The following PIK3C2G variants were observed in gnomAD, a reference collection of about 807,000 sequenced individuals.
PIK3C2G encodes the protein phosphatidylinositol 3-kinase C2 domain-containing subunit gamma.
A neutral mutation model predicts 181.1 loss-of-function variants in PIK3C2G; 168 were observed. The ratio of observed to expected loss-of-function variants is 0.93; its 90% CI spans 0.82 to 1.05. The LOEUF is 1.05. Ranked by LOEUF, PIK3C2G falls within the 50% of genes least tolerant of loss-of-function variation. The pLI is 0.00. For synonymous variants in PIK3C2G, 573 were observed against 592.2 expected (o/e 0.97, Z 0.47); for missense variants, 1,869 against 1,732.8 (o/e 1.08, Z -1.40).
chr12:18,257,651 A>G (rs1299685074), upstream of PIK3C2G, among the ~76,000 whole-genome samples: 1 of 151,852 alleles, frequency 6.6e-6, no homozygotes, highest in African/African-American at 2.4e-5. Flanking sequence ...AGAAAAGAAA[A>G]GAAAGAAGGA....
intron 21 of PIK3C2G, among the ~76,000 whole-genome samples, chr12:18,496,807 T>C (rs1007344822): frequency 1.3e-5 from 2 of 152,136 alleles, no homozygotes; most frequent in Non-Finnish European, 2.9e-5. Flanking sequence ...TCACTGTCTA[T>C]TTTGGAGGAT....
At chr12:18,410,005 C>A (rs2135619408) in intron 16 of PIK3C2G, among the ~76,000 whole-genome samples, 1 of 152,194 alleles carries the variant, frequency 6.6e-6, no homozygotes, top group Non-Finnish European at 1.5e-5. Flanking sequence ...AGGGGGAAAT[C>A]TGCCCCCATG....
intron 11 of PIK3C2G, among the ~76,000 whole-genome samples, chr12:18,354,861 G>A (rs1355049014): frequency 6.6e-6 from 1 of 152,154 alleles, no homozygotes; most frequent in African/African-American, 2.4e-5. Context: ...TGTGAGGGAG[G>A]GGAAGCAGGC....
intron 16 of PIK3C2G, among the ~76,000 whole-genome samples, chr12:18,420,633 C>G (rs1290577484): frequency 2.6e-5 from 4 of 152,070 alleles, no homozygotes; most frequent in South Asian, 4.1e-4. Flanking sequence ...CAAAGATTTT[C>G]ATACTACTTT....
At chr12:18,426,771 A>T (rs1945838340) in intron 18 of PIK3C2G, among the ~76,000 whole-genome samples, 1 of 152,208 alleles carries the variant, frequency 6.6e-6, no homozygotes, top group Admixed American at 6.5e-5. Flanking sequence ...ACTCAAGAAG[A>T]TGTAGCAAAG....
At chr12:18,637,400 A>ATTTTTT (rs35836229) in intron 31 of PIK3C2G, among the ~76,000 whole-genome samples, 2 of 146,798 alleles carry the variant, frequency 1.4e-5, no homozygotes, top group African/African-American at 5.0e-5. Flanking sequence ...TGACCTAGAT[A>ATTTTTT]TTTTTTTTTT....
At chr12:18,551,218 A>G (rs1007843137) in intron 26 of PIK3C2G, among the ~76,000 whole-genome samples, 5 of 152,190 alleles carry the variant, frequency 3.3e-5, no homozygotes, top group Non-Finnish European at 5.9e-5. Flanking sequence ...GAATCAAGAA[A>G]GTATCATGAC....
chr12:18,330,849 G>T (rs368012604), intron 8 of PIK3C2G, among the ~76,000 whole-genome samples: 1 of 152,082 alleles, frequency 6.6e-6, no homozygotes, highest in African/African-American at 2.4e-5. Context: ...TTGTTGGTTC[G>T]TTCGCTTGCT....
chr12:18,341,811 G>T (rs190794508), intron 9 of PIK3C2G, among the ~76,000 whole-genome samples: 288 of 152,236 alleles, frequency 1.9e-3, no homozygotes, highest in African/African-American at 6.7e-3. Context: ...AACAAACTGT[G>T]AAATTTAAGA....
chr12:18,276,272 A>G (rs2137084877), intron 1 of PIK3C2G, among the ~76,000 whole-genome samples: 1 of 152,300 alleles, frequency 6.6e-6, no homozygotes, highest in Non-Finnish European at 1.5e-5. Flanking sequence ...TCCCTGAAGC[A>G]AGCTTTATTC....
At chr12:18,411,751 C>A (rs570792321) in intron 16 of PIK3C2G, among the ~76,000 whole-genome samples, 1 of 152,224 alleles carries the variant, frequency 6.6e-6, no homozygotes, top group Non-Finnish European at 1.5e-5. Flanking sequence ...ATTCTGAAGT[C>A]TGACATTTCC....
chr12:18,407,672 C>T (rs1437159660), intron 16 of PIK3C2G, among the ~76,000 whole-genome samples: 1 of 152,062 alleles, frequency 6.6e-6, no homozygotes, highest in East Asian at 1.9e-4. Flanking sequence ...TGATAACATA[C>T]AACAAAAGAA....
intron 24 of PIK3C2G, among the ~76,000 whole-genome samples, chr12:18,509,096 G>C (rs1942042502): frequency 6.6e-6 from 1 of 151,896 alleles, no homozygotes; most frequent in Non-Finnish European, 1.5e-5. Flanking sequence ...CTGTCACCGA[G>C]GCTGGAGTGC....
chr12:18,691,703 G>A, the PIK3C2G span, among the ~76,000 whole-genome samples: 1 of 152,140 alleles, frequency 6.6e-6, no homozygotes, highest in Non-Finnish European at 1.5e-5. Context: ...CATTATAATA[G>A]CATTGTAAAG....
intron 16 of PIK3C2G, among the ~76,000 whole-genome samples, chr12:18,401,933 A>G (rs1944269382): frequency 6.6e-6 from 1 of 152,174 alleles, no homozygotes. Flanking sequence ...GTGGGAATGC[A>G]AAATTGTGTA....
At chr12:18,657,983 C>G in the PIK3C2G span, among the ~76,000 whole-genome samples, 1 of 151,888 alleles carries the variant, frequency 6.6e-6, no homozygotes, top group Non-Finnish European at 1.5e-5. Context: ...AAATAGAAAA[C>G]TTCAATAAAG....
intron 31 of PIK3C2G, among the ~76,000 whole-genome samples, chr12:18,633,018 C>A (rs916932778): frequency 3.3e-5 from 5 of 152,166 alleles, no homozygotes; most frequent in Non-Finnish European, 7.3e-5. Flanking sequence ...TCATATATAT[C>A]TCCTTAACAG....
chr12:18,478,463 A>G (rs1188548518), intron 18 of PIK3C2G, among the ~76,000 whole-genome samples: 2 of 151,626 alleles, frequency 1.3e-5, no homozygotes, highest in Non-Finnish European at 2.9e-5. Flanking sequence ...TCTCCCATCT[A>G]CTCCCCCAAT....
chr12:18,388,931 CTGT>C (rs1217190594), intron 14 of PIK3C2G, among the ~76,000 whole-genome samples: 1 of 151,984 alleles, frequency 6.6e-6, no homozygotes, highest in Non-Finnish European at 1.5e-5. Context: ...ATTTTTGTTG[CTGT>C]TGTTGTTGTT....
Sources: gnomAD v4.1 joint callset for allele counts (sites outside exome capture counted in the v4.1 genomes callset) on GRCh38, gnomAD v4.1.1 for gene constraint, MANE v1.5 for transcripts, NCBI Gene and HGNC (gene_info 2026-07-23, HGNC 2026-07-21) for gene names.